The following PKM variants were observed in gnomAD, a reference collection of about 807,000 sequenced individuals.
PKM encodes the protein pyruvate kinase PKM.
In PKM, 18 loss-of-function variants were observed where a neutral mutation model predicts 49.8. That is an observed-to-expected ratio of 0.36 (90% CI 0.25 to 0.54). PKM has a LOEUF of 0.54. Among genes scored for constraint, PKM ranks in the 20% least tolerant of loss-of-function variants. The pLI is 0.89. For synonymous variants in PKM, 239 were observed against 261.8 expected (o/e 0.91, Z 0.84); for missense variants, 508 against 713.8 (o/e 0.71, Z 3.28).
chr15:72,205,448 T>C (rs1378831946), intron 8 of PKM, among the ~76,000 whole-genome samples: 1 of 152,160 alleles, frequency 6.6e-6, no homozygotes, highest in African/African-American at 2.4e-5. Flanking sequence ...GGAAACCCAC[T>C]AAGGATGCTG....
In PKM at chr15:72,228,637, G is replaced by C. The variant is rs1159031770; in HGVS notation, c.-14+2479C>G. 3 of 1,285,992 alleles carry C rather than the reference G, an allele frequency of 2.3e-6. No individual in the cohort carries two copies. In the East Asian group the frequency reaches 1.7e-4, roughly 72 times the overall value. The allele number at this position is 1,285,992 out of a possible 1,614,324, so 79.7% of individuals were successfully genotyped here. On this transcript the variant is annotated intron_variant, in intron 1 of 10. Transcript: ENST00000335181. ...GAAAGGTTGAGTCATCTTCCCCACA[G>C]AGCCCCACTCCCCCACAGATTTGGT...
chr15:72,200,983 G>A lies in PKM; in HGVS notation c.1308-328C>T, dbSNP rs1328215726. On this transcript the variant is annotated intron_variant, in intron 9 of 10. Transcript: ENST00000335181. This position sits in a 1 kb window ranked among gnomAD's most constrained non-coding sequence, Gnocchi z 4.6. ...CCTACACCCTGAACTCTGACACAGA[G>A]AGGCAGCCCTGGCCCAATGTCACCA... 1 of 279,438 alleles carries A rather than the reference G, an allele frequency of 3.6e-6. No homozygotes were observed. The highest frequency in any genetic ancestry group is 2.1e-5 in the African/African-American group (1 of 46,612). 17.3% of individuals were successfully genotyped at this position (279,438 alleles called of 1,614,324 possible).
At chr15:72,218,155 G>A (rs544514636) in intron 2 of PKM, among the ~76,000 whole-genome samples, 19 of 150,688 alleles carry the variant, frequency 1.3e-4, no homozygotes, top group Admixed American at 1.1e-3. Flanking sequence ...GCAGAGTTTC[G>A]TTCTTGTTGC....
Position 72,200,621 on chromosome 15 carries a change from C to A in PKM, c.1342G>T (p.Ala448Ser). The change falls in exon 10 of 11, where the codon GCC becomes TCC. Residue 448 changes from alanine to serine, a missense_variant. By Grantham distance (99) the Ala-to-Ser change is moderately conservative. Transcript: ENST00000335181. This position sits in a 1 kb window ranked among gnomAD's most constrained non-coding sequence, Gnocchi z 4.6. ...TTCCGGGTCACAGCAATGATGGGGG[C>A]ACGTGGGCGGTATCTGGCCACCTGG... The part of the protein sequence containing the change: ...AHQVARYRPR[A>S]PIIAVTRNPQ... The A allele has an allele frequency of 6.2e-7, 1 of 1,613,346 alleles. No individual in the cohort carries two copies.
chr15:72,208,524 T>G, intron 6 of PKM, 97 bp downstream of exon 6: 2 of 1,327,998 alleles, frequency 1.5e-6, no homozygotes, highest in Non-Finnish European at 2.2e-6. Context: ...GAGTCTACAT[T>G]CTGATGGGCT....
chr15:72,200,868 T>G lies in PKM; in HGVS notation c.1308-213A>C. On this transcript the variant is annotated intron_variant, in intron 9 of 10. Coordinates refer to ENST00000335181, the MANE Select transcript of PKM (RefSeq NM_002654.6). The surrounding 1 kb of genome is among the most constrained non-coding windows in gnomAD (Gnocchi z 4.6). ...GGTTACCATTTGCCCTCTACCCCCA[T>G]TCCACAGGCCAAGGGCTCAGGATCA... 9 of 531,794 alleles carry G rather than the reference T, an allele frequency of 1.7e-5. No homozygotes were observed. The highest frequency in any genetic ancestry group is 3.2e-5 in the East Asian group (1 of 31,616). The allele number at this position is 531,794 out of a possible 1,614,324, so 32.9% of individuals were successfully genotyped here.
intron 8 of PKM, chr15:72,203,493 G>A: frequency 2.4e-6 from 1 of 417,966 alleles, no homozygotes; most frequent in African/African-American, 2.0e-5. Flanking sequence ...ATGAAAACAT[G>A]CCCAGGCTGG....
intron 1 of PKM, among the ~76,000 whole-genome samples, chr15:72,225,820 T>C (rs937807878): frequency 1.3e-5 from 2 of 152,238 alleles, no homozygotes; most frequent in African/African-American, 4.8e-5. Flanking sequence ...ACTCTTGTAG[T>C]ACATGTCTCC....
intron 3 of PKM, among the ~76,000 whole-genome samples, chr15:72,213,858 C>CTT (rs2082314789): frequency 6.6e-6 from 1 of 152,202 alleles, no homozygotes; most frequent in South Asian, 2.1e-4. Context: ...TCTTTCTTGA[C>CTT]TTTTAAAATC....
chr15:72,227,105 A>G (rs2082691879), intron 1 of PKM, among the ~76,000 whole-genome samples: 1 of 152,200 alleles, frequency 6.6e-6, no homozygotes, highest in Non-Finnish European at 1.5e-5. Context: ...GCCCCTTGGT[A>G]AAAAAATGCA....
At chr15:72,229,508 CT>C in intron 1 of PKM, 2 of 1,222,308 alleles carry the variant, frequency 1.6e-6, no homozygotes, top group Non-Finnish European at 2.2e-6. Context: ...AGCCCTGGGT[CT>C]GGAGTACGTA....
intron 1 of PKM, among the ~76,000 whole-genome samples, chr15:72,225,988 A>C (rs190913609): frequency 6.6e-5 from 10 of 152,350 alleles, no homozygotes; most frequent in African/African-American, 2.4e-4. Context: ...CACACTTGGT[A>C]CTGCCAGACT....
intron 1 of PKM, among the ~76,000 whole-genome samples, chr15:72,227,656 G>A (rs755406786): frequency 6.9e-6 from 1 of 145,594 alleles, no homozygotes; most frequent in Non-Finnish European, 1.5e-5. Flanking sequence ...TGAGGCAGGA[G>A]AATTGCTTGA....
chr15:72,200,957 TC>T lies in PKM; in HGVS notation c.1308-303del. On this transcript the variant is annotated intron_variant, in intron 9 of 10. Coordinates refer to ENST00000335181, the MANE Select transcript of PKM (RefSeq NM_002654.6). This position sits in a 1 kb window ranked among gnomAD's most constrained non-coding sequence, Gnocchi z 4.6. ...CACAGCCCATGGTTGGCAGAACCCC[TC>T]CTACACCCTGAACTCTGACACAGAG... is the stretch of plus-strand genomic sequence containing the variant. 1 of 344,658 alleles carries T rather than the reference TC, an allele frequency of 2.9e-6. No homozygotes were observed. Among genetic ancestry groups the T allele is most frequent in the Non-Finnish European group, 5.4e-6 (1 of 183,970 alleles). The allele number at this position is 344,658 out of a possible 1,614,324, so 21.3% of individuals were successfully genotyped here.
intron 1 of PKM, among the ~76,000 whole-genome samples, chr15:72,222,996 C>A (rs535924538): frequency 1.7e-4 from 25 of 151,400 alleles, no homozygotes; most frequent in Admixed American, 9.2e-4. Context: ...AAATACCCAA[C>A]ACTCCTCCCT....
intron 3 of PKM, among the ~76,000 whole-genome samples, chr15:72,212,216 C>T (rs560318107): frequency 2.0e-5 from 3 of 152,298 alleles, no homozygotes; most frequent in Admixed American, 6.5e-5. Context: ...GTGGCTCACA[C>T]CTGTCATCTA....
At position 72,200,722 on chromosome 15, in the gene PKM, G is replaced by A. The variant is rs8192427; in HGVS notation, c.1308-67C>T. The A allele has an allele frequency of 0.012, 16,896 of 1,368,570 alleles. 162 individuals carry two copies. Among genetic ancestry groups the A allele is most frequent in the African/African-American group, 0.034 (2,359 of 70,144 alleles). 84.8% of individuals were successfully genotyped at this position (1,368,570 alleles called of 1,614,324 possible). Reference sequence around the variant, plus strand: ...AGGCCCCAGGAAGTACCCTCAGGGCGTTCAAACAGCTCACCCTCTCATCCA... The same window carrying A: ...AGGCCCCAGGAAGTACCCTCAGGGCATTCAAACAGCTCACCCTCTCATCCA... On this transcript the variant is annotated intron_variant, in intron 9 of 10. Coordinates refer to ENST00000335181, the MANE Select transcript of PKM (RefSeq NM_002654.6). This position sits in a 1 kb window ranked among gnomAD's most constrained non-coding sequence, Gnocchi z 4.6.
chr15:72,230,637 G>C (rs1045538039), intron 1 of PKM, among the ~76,000 whole-genome samples: 8 of 152,272 alleles, frequency 5.3e-5, no homozygotes, highest in African/African-American at 1.9e-4. Context: ...CAGTTTCAAT[G>C]AGTTACACAG....
intron 1 of PKM, 153 bp downstream of exon 1, chr15:72,230,963 C>T: frequency 7.8e-7 from 1 of 1,286,662 alleles, no homozygotes; most frequent in Non-Finnish European, 1.0e-6. Context: ...AGGAGCCGTT[C>T]TCCTCTCTCT....
Sources: allele counts gnomAD v4.1 joint callset (sites outside exome capture counted in the v4.1 genomes callset), GRCh38; gene constraint gnomAD v4.1.1; non-coding constraint Gnocchi (gnomAD v3.1); transcripts MANE v1.5; gene names NCBI Gene and HGNC (gene_info 2026-07-23, HGNC 2026-07-21).